The following AMZ1 variants were observed in gnomAD, a reference collection of about 807,000 sequenced individuals.
AMZ1 encodes archaelysin family metallopeptidase 1.
In AMZ1, 39 loss-of-function variants were observed where a neutral mutation model predicts 29.9. The ratio of observed to expected loss-of-function variants is 1.30; its 90% confidence interval spans 1.01 to 1.70. The LOEUF (loss-of-function observed/expected upper bound fraction) is 1.70, where lower values mean the gene tolerates loss of function less well. Ranked by LOEUF, AMZ1 falls within the 40% of genes most tolerant of loss-of-function variation. AMZ1 has a pLI of 0.00. For missense variants in AMZ1, 1,041 were observed against 680.6 expected (o/e 1.53, Z -5.89); for synonymous variants, 458 against 304.0 (o/e 1.51, Z -5.27).
At chr7:2,734,194 G>A (rs1464505529) in intron 4 of AMZ1, among the ~76,000 whole-genome samples, 1 of 152,224 alleles carries the variant, frequency 6.6e-6, no homozygotes, top group East Asian at 1.9e-4. Flanking sequence ...AGGAAGCGCT[G>A]AGCCGCCAAA....
chr7:2,725,447 A>G (rs1237303803), intron 4 of AMZ1, among the ~76,000 whole-genome samples: 1 of 152,210 alleles, frequency 6.6e-6, no homozygotes, highest in African/African-American at 2.4e-5. Context: ...CAGAAATCCA[A>G]TGCGTCTATT....
At chr7:2,757,036 T>C (rs1791331330) in intron 4 of AMZ1, among the ~76,000 whole-genome samples, 2 of 149,928 alleles carry the variant, frequency 1.3e-5, no homozygotes, top group South Asian at 4.2e-4. Flanking sequence ...ATTGTGCCAG[T>C]GGCACTCCAG....
intron 5 of AMZ1, 121 bp from the exon 6 acceptor site, chr7:2,709,519 C>G: frequency 1.4e-6 from 2 of 1,433,874 alleles, no homozygotes; most frequent in South Asian, 2.8e-5. Flanking sequence ...GGCGCCTGGA[C>G]CACCTCCCGG....
intron 3 of AMZ1, 60 bp downstream of exon 3, chr7:2,702,949 TG>T: frequency 6.6e-7 from 1 of 1,505,078 alleles, no homozygotes. Context: ...AAGGAAGAGG[TG>T]GGAGGAAGGC....
intron 3 of AMZ1, among the ~76,000 whole-genome samples, chr7:2,703,536 G>GCCCCTTC (rs932567815): frequency 2.0e-5 from 3 of 152,054 alleles, no homozygotes; most frequent in Non-Finnish European, 2.9e-5. Flanking sequence ...TCAAGCCCTT[G>GCCCCTTC]CCCCTTCCCT....
chr7:2,731,317 C>T lies in AMZ1; in HGVS notation n.550+21501C>T, dbSNP rs754346065. 7 of 1,614,006 alleles carry T rather than the reference C, an allele frequency of 4.3e-6. No individual in the cohort carries two copies. The highest frequency in any genetic ancestry group is 5.1e-6 in the Non-Finnish European group (6 of 1,179,986). Reference sequence around the variant, plus strand: ...TGGCTTGCTGCGGTTCCGTCTCTTCCTGTCGAAGCACTGGACCAGGTAGCG... The same window carrying T: ...TGGCTTGCTGCGGTTCCGTCTCTTCTTGTCGAAGCACTGGACCAGGTAGCG... On this transcript the variant is annotated intron_variant and non_coding_transcript_variant, in intron 4 of 4. Transcript: ENST00000489665. The surrounding 1 kb of genome is among the most constrained non-coding windows in gnomAD (Gnocchi z 6.0).
intron 4 of AMZ1, among the ~76,000 whole-genome samples, chr7:2,750,685 C>A (rs1209638622): frequency 6.6e-6 from 1 of 152,188 alleles, no homozygotes; most frequent in African/African-American, 2.4e-5. Context: ...GAAGGTGAAG[C>A]CACGGACACG....
intron 1 of AMZ1, among the ~76,000 whole-genome samples, chr7:2,693,491 G>A (rs921890093): frequency 1.3e-5 from 2 of 151,852 alleles, no homozygotes; most frequent in Admixed American, 1.3e-4. Context: ...GACTTCCTCC[G>A]ACCTCAGCCT....
rs145242841 is a variant in AMZ1 at position 2,698,506 on chromosome 7, C to G, written c.-218-1728C>G. Among the ~76,000 whole-genome samples, 179 of 152,082 alleles carry G rather than the reference C, an allele frequency of 1.2e-3. 2 individuals are homozygous for G. Among genetic ancestry groups the G allele is most frequent in the African/African-American group, 4.2e-3 (173 of 41,454 alleles). On this transcript the variant is annotated intron_variant, in intron 1 of 6. Transcript: ENST00000683327. ...TGAGCCCAGATCACGACACTGCATT[C>G]TAGCCTGGGCGACACAGCAAGACTC... is the stretch of plus-strand genomic sequence containing the variant.
At chr7:2,730,154 G>A (rs1789815140) in intron 4 of AMZ1, 2 of 152,366 alleles carry the variant, frequency 1.3e-5, no homozygotes, top group South Asian at 4.1e-4. Flanking sequence ...AGCAGCTGGG[G>A]CATTAACAAA....
At chr7:2,706,342 A>C (rs1332373169) in intron 3 of AMZ1, among the ~76,000 whole-genome samples, 3 of 152,078 alleles carry the variant, frequency 2.0e-5, no homozygotes, top group Admixed American at 2.0e-4. Context: ...AATTATTTTG[A>C]TTGTTGTAGA....
At chr7:2,681,019 A>G (rs935569318) in intron 1 of AMZ1, among the ~76,000 whole-genome samples, 4 of 152,248 alleles carry the variant, frequency 2.6e-5, no homozygotes, top group Non-Finnish European at 5.9e-5. Context: ...GAAACCTTCC[A>G]GGACGCTGAG....
rs190610205 is a variant in AMZ1 at position 2,735,923 on chromosome 7, T to G, written n.550+26107T>G. On this transcript the variant is annotated intron_variant and non_coding_transcript_variant, in intron 4 of 4. Transcript: ENST00000489665. Reference sequence around the variant, plus strand: ...GGAAGAAGGGGACACAGAGCAACCCTGTGTGATCCAGAACGCTGTCACTCA... The same window carrying G: ...GGAAGAAGGGGACACAGAGCAACCCGGTGTGATCCAGAACGCTGTCACTCA... Among the ~76,000 whole-genome samples the G allele has an allele frequency of 4.0e-3, 602 of 152,218 alleles. 7 individuals carry two copies. Among genetic ancestry groups the G allele is most frequent in the African/African-American group, 0.014 (569 of 41,540 alleles).
At chr7:2,744,404 A>C (rs1266048583) in intron 4 of AMZ1, among the ~76,000 whole-genome samples, 1 of 152,232 alleles carries the variant, frequency 6.6e-6, no homozygotes, top group Non-Finnish European at 1.5e-5. Flanking sequence ...TACCCAAGCA[A>C]ACAGGGTCTG....
In AMZ1 at chr7:2,717,160, C is replaced by G. The variant is rs531547799; in HGVS notation, c.*4282C>G. 6.2e-4 allele frequency among the ~76,000 whole-genome samples: 95 copies of G among 152,274 alleles called. No individual in the cohort carries two copies. The highest frequency in any genetic ancestry group is 2.0e-3 in the African/African-American group (85 of 41,556). ...CTGAGGAGAGGCCTGGGTGGGTGGC[C>G]GGCACTCTTAGGTGAGGTGCCAACG... is the stretch of plus-strand genomic sequence containing the variant. On this transcript the variant is annotated 3_prime_UTR_variant, in exon 7 of 7. Transcript: ENST00000683327.
At chr7:2,724,225 G>A (rs1050060473), downstream of AMZ1, among the ~76,000 whole-genome samples, 2 of 152,180 alleles carry the variant, frequency 1.3e-5, no homozygotes, top group African/African-American at 4.8e-5. Context: ...GGCCACTTCT[G>A]GTCAGACTTT....
intron 4 of AMZ1, among the ~76,000 whole-genome samples, chr7:2,737,296 T>TG (rs1229143275): frequency 6.8e-5 from 8 of 117,392 alleles, no homozygotes; most frequent in African/African-American, 2.3e-4. Flanking sequence ...TTTGTTTTTT[T>TG]TTTTTTTTTT....
At chr7:2,711,626 G>A (rs1182027860) in intron 6 of AMZ1, among the ~76,000 whole-genome samples, 1 of 152,160 alleles carries the variant, frequency 6.6e-6, no homozygotes, top group East Asian at 1.9e-4. Context: ...TCACTATGTT[G>A]CCCAGGCTGG....
intron 3 of AMZ1, among the ~76,000 whole-genome samples, chr7:2,708,302 G>A (rs1788492481): frequency 6.6e-6 from 1 of 152,196 alleles, no homozygotes; most frequent in Admixed American, 6.5e-5. Flanking sequence ...CCTTCCTGGG[G>A]CTGCAAGCGC....
Sources: gnomAD v4.1 joint callset for allele counts (sites outside exome capture counted in the v4.1 genomes callset) on GRCh38, gnomAD v4.1.1 for gene constraint, Gnocchi (gnomAD v3.1) non-coding constraint, MANE v1.5 for transcripts, NCBI Gene and HGNC (gene_info 2026-07-23, HGNC 2026-07-21) for gene names.